The following NLGN1 variants were observed in gnomAD, a reference collection of about 807,000 sequenced individuals.
NLGN1 encodes neuroligin 1.
In NLGN1, 12 loss-of-function variants were observed where a neutral mutation model predicts 65.5. That is an observed-to-expected ratio of 0.18 (90% CI 0.12 to 0.30). The LOEUF is 0.30. NLGN1 is among the 10% of genes least tolerant of loss of function. NLGN1 has a pLI of 1.00. For missense variants in NLGN1, 750 were observed against 1,007.1 expected, an observed-to-expected ratio of 0.74 and a Z score of 3.46; for synonymous variants, 350 against 359.5, an observed-to-expected ratio of 0.97 and a Z score of 0.30.
At chr3:173,750,019 G>C (rs138447612) in intron 3 of NLGN1, among the ~76,000 whole-genome samples, 141 of 152,174 alleles carry the variant, frequency 9.3e-4, no homozygotes, top group African/African-American at 3.1e-3. Context: ...ATGCCTCTGT[G>C]CTTTTCCTCT....
At chr3:173,878,807 T>G (rs147903653) in intron 4 of NLGN1, among the ~76,000 whole-genome samples, 5 of 152,130 alleles carry the variant, frequency 3.3e-5, no homozygotes, top group African/African-American at 1.2e-4. Flanking sequence ...GCACTAAGGA[T>G]CTCATATTTC....
At chr3:173,410,894 G>A (rs1353274738) in intron 1 of NLGN1, among the ~76,000 whole-genome samples, 1 of 152,168 alleles carries the variant, frequency 6.6e-6, no homozygotes, top group Non-Finnish European at 1.5e-5. Context: ...TTAAGCTAAT[G>A]TTTATGCTTG....
chr3:173,981,152 G>A (rs1718687088), intron 4 of NLGN1, among the ~76,000 whole-genome samples: 2 of 151,938 alleles, frequency 1.3e-5, no homozygotes, highest in South Asian at 4.1e-4. Flanking sequence ...TAATCCTCTG[G>A]GCTTCCTCAT....
intron 4 of NLGN1, among the ~76,000 whole-genome samples, chr3:173,893,736 C>G (rs997354695): frequency 1.3e-5 from 2 of 152,132 alleles, no homozygotes. Context: ...TCTTACTTAA[C>G]TCACCTCCCT....
At chr3:173,472,918 G>T (rs1280795820) in intron 2 of NLGN1, among the ~76,000 whole-genome samples, 1 of 152,060 alleles carries the variant, frequency 6.6e-6, no homozygotes, top group Non-Finnish European at 1.5e-5. Context: ...TTGGCTTTAC[G>T]GATCTTGCAT....
At position 173,468,848 on chromosome 3, in the gene NLGN1, T is replaced by C. The variant is rs138952822; in HGVS notation, c.-321+33770T>C. 1.5e-3 allele frequency among the ~76,000 whole-genome samples: 228 copies of C among 152,150 alleles called. 1 individual carries two copies. Among genetic ancestry groups the C allele is most frequent in the African/African-American group, 5.1e-3 (212 of 41,542 alleles). ...AAAACTGAAAATAAAAAAAAATTGTTCTAAGAGTTATCCACTGCAATGGAA... is the reference window on the plus strand; with the variant it reads ...AAAACTGAAAATAAAAAAAAATTGTCCTAAGAGTTATCCACTGCAATGGAA... On this transcript the variant is annotated intron_variant, in intron 2 of 6. Transcript: ENST00000457714.
At chr3:173,979,107 A>G (rs1475209475) in intron 4 of NLGN1, among the ~76,000 whole-genome samples, 3 of 152,064 alleles carry the variant, frequency 2.0e-5, no homozygotes, top group African/African-American at 7.2e-5. Flanking sequence ...TACACTAAGG[A>G]CAAAGGAGGT....
chr3:174,096,825 C>T (rs1182071983), intron 4 of NLGN1, among the ~76,000 whole-genome samples: 5 of 151,788 alleles, frequency 3.3e-5, no homozygotes, highest in African/African-American at 4.8e-5. Context: ...TGTAATTGAA[C>T]GTGTAGAAAC....
intron 2 of NLGN1, among the ~76,000 whole-genome samples, chr3:173,580,001 C>T (rs1006841835): frequency 4.6e-5 from 7 of 151,860 alleles, no homozygotes; most frequent in African/African-American, 1.7e-4. Flanking sequence ...TGAAATATTT[C>T]GGTTATTTCT....
intron 1 of NLGN1, among the ~76,000 whole-genome samples, chr3:173,404,813 T>G (rs1292814683): frequency 6.6e-6 from 1 of 152,096 alleles, no homozygotes; most frequent in African/African-American, 2.4e-5. Context: ...AGTTAAATGT[T>G]TAATTATATT....
intron 3 of NLGN1, among the ~76,000 whole-genome samples, chr3:173,777,674 T>TATCTATCTATCC (rs1780521557): frequency 6.7e-6 from 1 of 149,284 alleles, no homozygotes; most frequent in East Asian, 2.0e-4. Context: ...TCTATCTATC[T>TATCTATCTATCC]ATCCATCCCA....
chr3:173,826,742 A>G (rs1345128127), intron 4 of NLGN1, among the ~76,000 whole-genome samples: 1 of 152,048 alleles, frequency 6.6e-6, no homozygotes, highest in Non-Finnish European at 1.5e-5. Flanking sequence ...CTTACTGATT[A>G]GTTTTCAAAA....
chr3:174,006,766 C>T (rs1421652005), intron 4 of NLGN1, among the ~76,000 whole-genome samples: 1 of 152,026 alleles, frequency 6.6e-6, no homozygotes, highest in Non-Finnish European at 1.5e-5. Flanking sequence ...TGACTGCATT[C>T]TTATAAGAAG....
intron 1 of NLGN1, among the ~76,000 whole-genome samples, chr3:173,415,943 A>AGAGAGAGCGCGCGC (rs141095727): frequency 7.0e-6 from 1 of 142,826 alleles, no homozygotes; most frequent in African/African-American, 2.8e-5. Context: ...AGAGAGAGAG[A>AGAGAGAGCGCGCGC]GCTTGGTATA....
chr3:173,720,107 G>A (rs960002973), intron 3 of NLGN1, among the ~76,000 whole-genome samples: 1 of 151,932 alleles, frequency 6.6e-6, no homozygotes, highest in Non-Finnish European at 1.5e-5. Context: ...GAGAGAGACT[G>A]TGTCTCTAAA....
At chr3:174,161,444 G>A (rs1726482412) in intron 4 of NLGN1, among the ~76,000 whole-genome samples, 1 of 151,812 alleles carries the variant, frequency 6.6e-6, no homozygotes, top group Non-Finnish European at 1.5e-5. Flanking sequence ...CAAAACACTA[G>A]GGTTTAGTTT....
intron 2 of NLGN1, chr3:173,584,479 G>A (rs1290105818): frequency 1.0e-5 from 1 of 95,346 alleles, no homozygotes. Context: ...AAAAAAGAAA[G>A]AAAGAAAGAA....
intron 4 of NLGN1, among the ~76,000 whole-genome samples, chr3:174,233,313 G>A (rs572837338): frequency 1.3e-4 from 19 of 151,948 alleles, no homozygotes; most frequent in African/African-American, 2.4e-4. Context: ...GGAGAACCTC[G>A]TCTCTATTAA....
chr3:173,408,639 G>A lies in NLGN1; in HGVS notation c.-390+10152G>A, dbSNP rs563301980. On this transcript the variant is annotated intron_variant, in intron 1 of 6. Transcript: ENST00000457714. Reference sequence around the variant, plus strand: ...TCAAGAATAGGCGCATTGGCCGGGCGCAGTGGCTCACGCCTGTAATCCCAG... The same window carrying A: ...TCAAGAATAGGCGCATTGGCCGGGCACAGTGGCTCACGCCTGTAATCCCAG... 2.4e-3 allele frequency among the ~76,000 whole-genome samples: 362 copies of A among 152,324 alleles called. 4 individuals carry two copies. Among genetic ancestry groups the A allele is most frequent in the African/African-American group, 8.3e-3 (344 of 41,578 alleles).
Sources: allele counts gnomAD v4.1 joint callset (sites outside exome capture counted in the v4.1 genomes callset), GRCh38; gene constraint gnomAD v4.1.1; transcripts MANE v1.5; gene names NCBI Gene and HGNC (gene_info 2026-07-23, HGNC 2026-07-21).